Variants in UGT2A3 observed in about 807,000 individuals in gnomAD.
UGT2A3 encodes UDP glucuronosyltransferase family 2 member A3, also known as UDP-glucuronosyltransferase 2A3.
Under a neutral mutation model 44.1 loss-of-function variants are expected in UGT2A3, and 55 were observed. That is an observed-to-expected ratio of 1.25 (90% CI 1.00 to 1.56). The LOEUF (loss-of-function observed/expected upper bound fraction) is 1.56, where lower values mean the gene tolerates loss of function less well. UGT2A3 is among the 40% of genes most tolerant of loss of function. UGT2A3 has a pLI of 0.00. For missense variants in UGT2A3, 733 were observed against 621.6 expected (o/e 1.18, Z -1.91); for synonymous variants, 243 against 215.1 (o/e 1.13, Z -1.13).
chr4:68,938,301 C>A (rs1577849869), intron 2 of UGT2A3, among the ~76,000 whole-genome samples: 1 of 151,782 alleles, frequency 6.6e-6, no homozygotes, highest in South Asian at 2.1e-4. Flanking sequence ...ACTGCAAAAA[C>A]CCTCAATAAA....
At chr4:68,949,729 T>C (rs1723382089) in intron 1 of UGT2A3, among the ~76,000 whole-genome samples, 1 of 151,932 alleles carries the variant, frequency 6.6e-6, no homozygotes, top group Non-Finnish European at 1.5e-5. Context: ...AAATAAATCC[T>C]TGAATTGAAA....
At chr4:68,932,336 T>A (rs116347132) in intron 3 of UGT2A3, among the ~76,000 whole-genome samples, 3,337 of 151,540 alleles carry the variant, frequency 0.022, 125 homozygotes, top group East Asian at 0.15. Flanking sequence ...ATGTCAGAAT[T>A]TTTTTTTGGA....
intron 2 of UGT2A3, among the ~76,000 whole-genome samples, chr4:68,940,601 T>C (rs1718146975): frequency 1.3e-5 from 2 of 151,620 alleles, no homozygotes; most frequent in South Asian, 2.1e-4. Flanking sequence ...AATGTAATGA[T>C]GAGTTGATGC....
intron 2 of UGT2A3, 137 bp from the exon 3 acceptor site, chr4:68,932,896 A>G: frequency 1.2e-6 from 1 of 814,942 alleles, no homozygotes; most frequent in Non-Finnish European, 1.9e-6. Flanking sequence ...GCTGACACAC[A>G]GAACTATCTA....
intron 2 of UGT2A3, among the ~76,000 whole-genome samples, chr4:68,937,351 T>C (rs1560458011): frequency 6.6e-6 from 1 of 151,362 alleles, no homozygotes; most frequent in African/African-American, 2.4e-5. Context: ...AGAACAGAAA[T>C]CACAACAGTC....
chr4:68,931,287 T>G (rs370716948), intron 3 of UGT2A3, 45 bp from the exon 4 acceptor site: 6 of 1,448,636 alleles, frequency 4.1e-6, no homozygotes, highest in African/African-American at 1.4e-5. Flanking sequence ...CCACAGGATA[T>G]TAGCATTCTA....
chr4:68,933,172 A>G (rs1717803584), intron 2 of UGT2A3, among the ~76,000 whole-genome samples: 1 of 152,038 alleles, frequency 6.6e-6, no homozygotes, highest in Non-Finnish European at 1.5e-5. Context: ...ACTAGCAACT[A>G]TTCGAATATA....
intron 2 of UGT2A3, among the ~76,000 whole-genome samples, chr4:68,938,295 C>T (rs1459198009): frequency 6.6e-6 from 1 of 151,988 alleles, no homozygotes; most frequent in African/African-American, 2.4e-5. Flanking sequence ...AATATCACTG[C>T]AAAAACCCTC....
At chr4:68,948,360 C>T (rs1447607130) in intron 1 of UGT2A3, among the ~76,000 whole-genome samples, 4 of 150,330 alleles carry the variant, frequency 2.7e-5, no homozygotes, top group African/African-American at 9.8e-5. Context: ...TAACGCTTTA[C>T]TATGTATTAG....
chr4:68,931,546 T>C (rs530747692), intron 3 of UGT2A3, among the ~76,000 whole-genome samples: 373 of 152,216 alleles, frequency 2.5e-3, no homozygotes, highest in Non-Finnish European at 4.3e-3. Flanking sequence ...AATCTATTTT[T>C]ATATAAGAAT....
intron 2 of UGT2A3, among the ~76,000 whole-genome samples, chr4:68,942,504 G>GATTATATATAT (rs1718228397): frequency 7.6e-6 from 1 of 131,032 alleles, no homozygotes; most frequent in Non-Finnish European, 1.6e-5. Context: ...TTCCACTGGA[G>GATTATATATAT]ATATATATAT....
intron 2 of UGT2A3, among the ~76,000 whole-genome samples, chr4:68,933,625 G>T (rs1037598474): frequency 2.0e-5 from 3 of 152,020 alleles, no homozygotes; most frequent in Non-Finnish European, 4.4e-5. Context: ...CACAATCCAA[G>T]GGAAGGCTAG....
At chr4:68,932,276 C>T (rs867617443) in intron 3 of UGT2A3, among the ~76,000 whole-genome samples, 36 of 143,918 alleles carry the variant, frequency 2.5e-4, no homozygotes, top group South Asian at 2.4e-3. Flanking sequence ...ATTGATTCTT[C>T]TTTTTTTTTT....
intron 2 of UGT2A3, among the ~76,000 whole-genome samples, chr4:68,936,215 C>T (rs1416303799): frequency 6.6e-6 from 1 of 151,990 alleles, no homozygotes; most frequent in African/African-American, 2.4e-5. Context: ...ACAGAGAACA[C>T]CACAAAGATA....
chr4:68,945,118 T>C (rs1718335959), intron 2 of UGT2A3, among the ~76,000 whole-genome samples, 188 bp downstream of exon 2: 1 of 151,700 alleles, frequency 6.6e-6, no homozygotes, highest in African/African-American at 2.4e-5. Context: ...TTCTTCTGCC[T>C]ACTTTCTCAA....
In UGT2A3 at chr4:68,951,153, A is replaced by T. The variant is rs373818808; in HGVS notation, c.608T>A (p.Met203Lys). 3 of 1,611,962 alleles carry T rather than the reference A, an allele frequency of 1.9e-6. No individual in the cohort carries two copies. Among genetic ancestry groups the T allele is most frequent in the Non-Finnish European group, 2.5e-6 (3 of 1,178,956 alleles). The change falls in exon 1 of 6, where the codon ATG becomes AAG. Residue 203 changes from methionine to lysine, a missense_variant. Transcript: ENST00000251566. ...ATTTTTTACTCTTTCCAGAAAGGTC[A>T]TTCTGTCTGTTAGTCCTGTCATAGG... ...PVPMTGLTDR[M>K]TFLERVKNSM... is the part of the protein sequence containing the mutation.
At chr4:68,945,731 G>A (rs1427750684) in intron 1 of UGT2A3, among the ~76,000 whole-genome samples, 2 of 70,540 alleles carry the variant, frequency 2.8e-5, no homozygotes, top group Non-Finnish European at 4.9e-5. Context: ...AAGGAAGGAA[G>A]GAAAGAAGGA....
At chr4:68,933,565 C>T (rs1717822641) in intron 2 of UGT2A3, among the ~76,000 whole-genome samples, 1 of 151,984 alleles carries the variant, frequency 6.6e-6, no homozygotes, top group Non-Finnish European at 1.5e-5. Flanking sequence ...GTCCTATCAG[C>T]AGGGAATTCA....
intron 2 of UGT2A3, chr4:68,943,400 A>G: frequency 9.7e-7 from 1 of 1,028,398 alleles, no homozygotes; most frequent in Non-Finnish European, 1.3e-6. Flanking sequence ...AGTGATATTA[A>G]TAATTAATAA....
Sources: allele counts gnomAD v4.1 joint callset (sites outside exome capture counted in the v4.1 genomes callset), GRCh38; gene constraint gnomAD v4.1.1; transcripts MANE v1.5; gene names NCBI Gene and HGNC (gene_info 2026-07-23, HGNC 2026-07-21).